Variants in FBXO38 observed in about 807,000 individuals in gnomAD.
The protein encoded by FBXO38 is F-box protein 38.
In FBXO38, 53 loss-of-function variants were observed where a neutral mutation model predicts 131.9. That is an observed-to-expected ratio of 0.40 (90% CI 0.32 to 0.51). The LOEUF is 0.51. Ranked by LOEUF, FBXO38 falls within the 20% of genes least tolerant of loss-of-function variation. The pLI, the probability that FBXO38 is intolerant of heterozygous loss-of-function variation, is 0.53. For missense variants in FBXO38, 1,076 were observed against 1,475.6 expected, an observed-to-expected ratio of 0.73 and a Z score of 4.44; for synonymous variants, 452 against 505.6, an observed-to-expected ratio of 0.89 and a Z score of 1.42.
At chr5:148,440,012 T>C (rs1345400791) in intron 19 of FBXO38, among the ~76,000 whole-genome samples, 1 of 152,226 alleles carries the variant, frequency 6.6e-6, no homozygotes, top group African/African-American at 2.4e-5. Flanking sequence ...AGGTAAAAAT[T>C]ACAAGAACAG....
At chr5:148,426,163 C>A (rs892292487) in intron 14 of FBXO38, among the ~76,000 whole-genome samples, 1 of 152,166 alleles carries the variant, frequency 6.6e-6, no homozygotes, top group Admixed American at 6.5e-5. Context: ...ATCTAGGCAA[C>A]AACCCTCTGC....
chr5:148,412,526 C>A (rs999777226), intron 9 of FBXO38, among the ~76,000 whole-genome samples: 3 of 152,078 alleles, frequency 2.0e-5, no homozygotes, highest in Non-Finnish European at 2.9e-5. Flanking sequence ...TTAGAGAGTT[C>A]TTTGTTCATG....
chr5:148,400,343 G>T (rs1263777637), intron 3 of FBXO38, among the ~76,000 whole-genome samples: 2 of 152,044 alleles, frequency 1.3e-5, no homozygotes, highest in African/African-American at 2.4e-5. Flanking sequence ...CAAAGGTTAG[G>T]CCAGCTGGAA....
In FBXO38 at chr5:148,417,176, G is replaced by A. The variant is rs1478603366; in HGVS notation, c.1590G>A (p.Gln530=). 6.2e-7 allele frequency: 1 copy of A among 1,613,356 alleles called. No individual in the cohort carries two copies. The highest frequency in any genetic ancestry group is 8.5e-7 in the Non-Finnish European group (1 of 1,179,496). The part of the protein sequence containing the change: ...DEENDFRQDL[Q]PGEQQFAADA... ...AGAATGACTTTCGGCAAGATCTGCA[G>A]CCAGGAGAGCAGCAGTTTGCAGCTG... Residue 530 remains glutamine, a synonymous_variant, in exon 12 of 22, where the codon CAG becomes CAA. Coordinates refer to ENST00000340253, the MANE Select transcript of FBXO38 (RefSeq NM_205836.3).
At chr5:148,387,858 A>C (rs1323928471) in intron 1 of FBXO38, among the ~76,000 whole-genome samples, 3 of 151,652 alleles carry the variant, frequency 2.0e-5, no homozygotes, top group Non-Finnish European at 4.4e-5. Context: ...CACCCAGCTA[A>C]TTTTTGTATT....
chr5:148,394,651 T>A, intron 1 of FBXO38, 63 bp from the exon 2 acceptor site: 1 of 719,940 alleles, frequency 1.4e-6, no homozygotes, highest in East Asian at 3.4e-5. Context: ...ATAAACATTG[T>A]TTAACCTGGG....
At chr5:148,401,615 G>C (rs147801293) in intron 3 of FBXO38, among the ~76,000 whole-genome samples, 1 of 152,074 alleles carries the variant, frequency 6.6e-6, no homozygotes, top group Non-Finnish European at 1.5e-5. Flanking sequence ...AGTACCCATG[G>C]GGGAGGAGGA....
chr5:148,427,717 C>T lies in FBXO38; in HGVS notation c.2423C>T (p.Pro808Leu), dbSNP rs757209133. The change falls in exon 15 of 22, where the codon CCG becomes CTG. Residue 808 changes from proline to leucine, a missense_variant. Transcript: ENST00000340253. Reference protein sequence around the residue: ...STSRACVVNGPDGTRSAFSFR... With the variant: ...STSRACVVNGLDGTRSAFSFR... The stretch of plus-strand genomic sequence containing the variant: ...AGCCGAGCCTGTGTTGTGAATGGCC[C>T]GGATGGTACGAGATCCGCCTTTTCC... 3.7e-5 allele frequency: 59 copies of T among 1,613,932 alleles called. No homozygotes were observed. Among genetic ancestry groups the T allele is most frequent in the East Asian group, 8.9e-5 (4 of 44,880 alleles).
chr5:148,438,603 C>A (rs2113664032), intron 18 of FBXO38, 105 bp downstream of exon 18: 2 of 1,176,872 alleles, frequency 1.7e-6, no homozygotes, highest in Middle Eastern at 2.0e-4. Context: ...ATTCACTTGC[C>A]CAACCTACAG....
In FBXO38 at chr5:148,442,280, G is replaced by A. The variant is rs1239693911; in HGVS notation, c.*133G>A. The stretch of plus-strand genomic sequence containing the variant: ...GGTTTGCTATATAGGGAATATATAA[G>A]GAACATCGAAATTGTATACAAAGAT... On this transcript the variant is annotated 3_prime_UTR_variant, in exon 22 of 22. Coordinates refer to ENST00000340253, the MANE Select transcript of FBXO38 (RefSeq NM_205836.3). The A allele has an allele frequency of 4.9e-6, 3 of 610,038 alleles. No individual in the cohort carries two copies. The highest frequency in any genetic ancestry group is 8.3e-6 in the Non-Finnish European group (3 of 362,212). The allele number at this position is 610,038 out of a possible 1,614,324, so 37.8% of individuals were successfully genotyped here.
intron 18 of FBXO38, 94 bp from the exon 19 acceptor site, chr5:148,439,553 C>A: frequency 1.7e-6 from 2 of 1,172,330 alleles, no homozygotes; most frequent in Non-Finnish European, 2.4e-6. Context: ...GATTTCAAAA[C>A]TGAAGGTCCA....
At chr5:148,392,289 G>T (rs1758235819) in intron 1 of FBXO38, among the ~76,000 whole-genome samples, 1 of 152,150 alleles carries the variant, frequency 6.6e-6, no homozygotes, top group South Asian at 2.1e-4. Flanking sequence ...CCCATCAATT[G>T]TCTGTGGGAA....
At chr5:148,419,694 A>G (rs1449354321) in intron 12 of FBXO38, among the ~76,000 whole-genome samples, 2 of 152,000 alleles carry the variant, frequency 1.3e-5, no homozygotes, top group African/African-American at 4.8e-5. Context: ...GTGAGTTATG[A>G]TCACACCACT....
At chr5:148,391,080 C>G (rs1030158275) in intron 1 of FBXO38, among the ~76,000 whole-genome samples, 2 of 152,112 alleles carry the variant, frequency 1.3e-5, no homozygotes, top group African/African-American at 4.8e-5. Context: ...CCTGTTGAGG[C>G]TTTTACATGC....
Position 148,425,674 on chromosome 5 carries a change from G to A in FBXO38, c.1891G>A (p.Glu631Lys), listed in dbSNP as rs1362537121. The change falls in exon 14 of 22, where the codon GAG becomes AAG. Residue 631 changes from glutamate to lysine, a missense_variant. Transcript: ENST00000340253. ...RYSEREEKTG[E>K]SVQSRELSVS... Reference sequence around the variant, plus strand: ...CTCTGAACGTGAAGAAAAAACTGGAGAGTCAGTGCAGTCCAGAGAATTGTC... The same window carrying A: ...CTCTGAACGTGAAGAAAAAACTGGAAAGTCAGTGCAGTCCAGAGAATTGTC... 5.6e-6 allele frequency: 9 copies of A among 1,614,006 alleles called. No individual in the cohort carries two copies. Among genetic ancestry groups the A allele is most frequent in the Non-Finnish European group, 7.6e-6 (9 of 1,179,904 alleles).
intron 15 of FBXO38, among the ~76,000 whole-genome samples, chr5:148,428,175 A>G (rs1454975104): frequency 4.6e-5 from 7 of 152,224 alleles, no homozygotes; most frequent in Non-Finnish European, 7.3e-5. Flanking sequence ...TTCAGCTTTT[A>G]AGGAAAATGT....
chr5:148,418,905 A>G (rs563990500), intron 12 of FBXO38, among the ~76,000 whole-genome samples: 2 of 152,334 alleles, frequency 1.3e-5, no homozygotes, highest in South Asian at 2.1e-4. Context: ...TTGTATCTGT[A>G]TTTGATTTAA....
At chr5:148,425,496 C>G in intron 13 of FBXO38, 26 bp from the exon 14 acceptor site, 1 of 1,589,320 alleles carries the variant, frequency 6.3e-7, no homozygotes, top group South Asian at 1.1e-5. Flanking sequence ...CAAAAAGTAA[C>G]TGTTAGGCCT....
intron 12 of FBXO38, among the ~76,000 whole-genome samples, chr5:148,419,494 A>G (rs781343325): frequency 1.2e-4 from 18 of 152,224 alleles, no homozygotes; most frequent in Non-Finnish European, 2.1e-4. Context: ...GTTGACTAAT[A>G]TTGATGGTTC....
Sources: allele counts gnomAD v4.1 joint callset (sites outside exome capture counted in the v4.1 genomes callset), GRCh38; gene constraint gnomAD v4.1.1; transcripts MANE v1.5; gene names NCBI Gene and HGNC (gene_info 2026-07-23, HGNC 2026-07-21).